SSR1: variants seen among roughly 807,000 people sequenced by gnomAD.
SSR1 encodes signal sequence receptor subunit 1, also known as translocon-associated protein subunit alpha.
In SSR1, 13 loss-of-function variants were observed where a neutral mutation model predicts 36.1. The observed-to-expected ratio is 0.36, with a 90% CI of 0.23 to 0.57. SSR1 has a LOEUF of 0.57. Among genes scored for constraint, SSR1 ranks in the 20% least tolerant of loss-of-function variants. SSR1 has a pLI of 0.81. For synonymous variants in SSR1, 113 were observed against 118.9 expected, an observed-to-expected ratio of 0.95 and a Z score of 0.32; for missense variants, 291 against 338.5, an observed-to-expected ratio of 0.86 and a Z score of 1.10.
chr6:7,309,867 GAATAC>G, intron 2 of SSR1, 45 bp downstream of exon 2: 1 of 1,369,754 alleles, frequency 7.3e-7, no homozygotes, highest in Non-Finnish European at 1.0e-6. Flanking sequence ...GAGAACAGAT[GAATAC>G]AATTACATAC....
intron 2 of SSR1, among the ~76,000 whole-genome samples, chr6:7,305,523 C>G (rs1030327218): frequency 6.6e-6 from 1 of 152,188 alleles, no homozygotes; most frequent in Non-Finnish European, 1.5e-5. Flanking sequence ...TAAGTAGGTG[C>G]AGCAAATGTG....
rs1757774310 is a variant in SSR1 at position 7,295,468 on chromosome 6, C to G, written c.717G>C (p.Gln239His). 6.2e-7 allele frequency: 1 copy of G among 1,606,628 alleles called. No individual in the cohort carries two copies. Among genetic ancestry groups the G allele is most frequent in the South Asian group, 1.1e-5 (1 of 89,732 alleles). Residue 239 changes from glutamine to histidine, a missense_variant, in exon 7 of 8, where the codon CAG becomes CAC. Physicochemically the swap from Gln to His is conservative, Grantham distance 24 (BLOSUM62 0). Transcript: ENST00000244763. ...LESRKRKRPI[Q>H]KVEMGTSSQN... Reference sequence around the variant, plus strand: ...GACTTGATGTACCCATTTCTACTTTCTGTATGGGTCTCTTACGCTAAAAGA... The same window carrying G: ...GACTTGATGTACCCATTTCTACTTTGTGTATGGGTCTCTTACGCTAAAAGA...
intron 1 of SSR1, among the ~76,000 whole-genome samples, chr6:7,310,354 G>A (rs951250906): frequency 6.6e-6 from 1 of 151,708 alleles, no homozygotes; most frequent in Non-Finnish European, 1.5e-5. Context: ...CAGCTTCCTG[G>A]GTAGCTAGGA....
chr6:7,303,318 C>A (rs1192822247), intron 3 of SSR1, among the ~76,000 whole-genome samples: 1 of 152,010 alleles, frequency 6.6e-6, no homozygotes, highest in Non-Finnish European at 1.5e-5. Context: ...CAGAGCCAGA[C>A]CCTGTCTCAA....
rs1039818969 is a variant in SSR1, at chr6:7,285,762, AC to A, written c.*4101del. On this transcript the variant is annotated 3_prime_UTR_variant, in exon 8 of 8. Coordinates refer to ENST00000244763, the MANE Select transcript of SSR1 (RefSeq NM_003144.5). The surrounding 1 kb of genome is among the most constrained non-coding windows in gnomAD (Gnocchi z 4.1). ...AGTTCTAGTACTATCTGGTTCTGTAACCCAAGAGCAGATACTTCACTCTTAC... is the reference window on the plus strand; with the variant it reads ...AGTTCTAGTACTATCTGGTTCTGTAACCAAGAGCAGATACTTCACTCTTAC... 3.3e-5 allele frequency: 5 copies of A among 152,200 alleles called. No homozygotes were observed. Among genetic ancestry groups the A allele is most frequent in the African/African-American group, 1.2e-4 (5 of 41,448 alleles). 9.4% of individuals were successfully genotyped at this position (152,200 alleles called of 1,614,324 possible).
rs1219442390 is a variant in SSR1 at position 7,287,039 on chromosome 6, G to C, written c.*2825C>G. The C allele has an allele frequency of 6.6e-6, 1 of 151,736 alleles. No individual in the cohort carries two copies. Among genetic ancestry groups the C allele is most frequent in the Non-Finnish European group, 1.5e-5 (1 of 67,968 alleles). The allele number at this position is 151,736 out of a possible 1,614,324, so 9.4% of individuals were successfully genotyped here. ...GTCTAGTCTTGGCAAGAGATGGTAT[G>C]TGTCACTGAGTTTTAAAAAATTATT... On this transcript the variant is annotated 3_prime_UTR_variant, in exon 8 of 8. Coordinates refer to ENST00000244763, the MANE Select transcript of SSR1 (RefSeq NM_003144.5).
chr6:7,293,624 G>A (rs1045874591), intron 7 of SSR1, among the ~76,000 whole-genome samples: 1 of 152,082 alleles, frequency 6.6e-6, no homozygotes, highest in African/African-American at 2.4e-5. Context: ...ATGTTGCCAA[G>A]GCTAGTCTCA....
chr6:7,289,678 G>T lies in SSR1; in HGVS notation c.*186C>A. 3.4e-6 allele frequency: 2 copies of T among 595,162 alleles called. No individual in the cohort carries two copies. Among genetic ancestry groups the T allele is most frequent in the Non-Finnish European group, 2.8e-6 (1 of 351,680 alleles). 36.9% of individuals were successfully genotyped at this position (595,162 alleles called of 1,614,324 possible). A position where few individuals can be genotyped will look rare whatever the true frequency, so the allele number is the denominator to read the frequency against. ...AATGGTTTAAAAAAAAACCAAATTT[G>T]TTACTTTAGAAAAATGAATGCAGTG... On this transcript the variant is annotated 3_prime_UTR_variant, in exon 8 of 8. Coordinates refer to ENST00000244763, the MANE Select transcript of SSR1 (RefSeq NM_003144.5).
rs918326806 is a variant in SSR1 at position 7,283,717 on chromosome 6, T to C, written c.*6147A>G. 1.3e-5 allele frequency: 2 copies of C among 152,266 alleles called. No individual in the cohort carries two copies. Among genetic ancestry groups the C allele is most frequent in the African/African-American group, 4.8e-5 (2 of 41,470 alleles). 9.4% of individuals were successfully genotyped at this position (152,266 alleles called of 1,614,324 possible). On this transcript the variant is annotated 3_prime_UTR_variant, in exon 8 of 8. Coordinates refer to ENST00000244763, the MANE Select transcript of SSR1 (RefSeq NM_003144.5). ...AATGAAGCTTGACTCTGGACTGTGATAGCAGAAACAAATACAGGCAGTGCC... is the reference window on the plus strand; with the variant it reads ...AATGAAGCTTGACTCTGGACTGTGACAGCAGAAACAAATACAGGCAGTGCC...
intron 2 of SSR1, among the ~76,000 whole-genome samples, chr6:7,306,898 C>T (rs1333598790): frequency 1.5e-5 from 2 of 130,170 alleles, no homozygotes; most frequent in Non-Finnish European, 3.1e-5. Context: ...GCCTGGGCGA[C>T]AGAGCGAGAC....
chr6:7,292,002 G>A (rs562026924), intron 7 of SSR1, among the ~76,000 whole-genome samples: 4 of 152,244 alleles, frequency 2.6e-5, no homozygotes, highest in South Asian at 4.1e-4. Context: ...CCAGGAGGTC[G>A]AGGATGCAGT....
At chr6:7,298,242 A>G (rs1240253859) in intron 5 of SSR1, among the ~76,000 whole-genome samples, 1 of 152,230 alleles carries the variant, frequency 6.6e-6, no homozygotes, top group Non-Finnish European at 1.5e-5. Context: ...TGCTCTATTC[A>G]AAAGCTTGGT....
At chr6:7,303,459 A>G (rs1322935528) in intron 3 of SSR1, 91 bp downstream of exon 3, 4 of 815,614 alleles carry the variant, frequency 4.9e-6, no homozygotes, top group Admixed American at 2.3e-5. Context: ...CAACAATATT[A>G]CTTTACAGAT....
rs1175339175 is a variant in SSR1, at chr6:7,309,950, TTCA to T, written c.156_158del (p.Asp52del). ...TGGGTTCATCTTCTTCTACCTCGGC[TTCA>T]TCATCTTCATCCTCAATTATGGAAT... On this transcript the variant is annotated inframe_deletion, in exon 2 of 8. Transcript: ENST00000244763. The T allele has an allele frequency of 1.9e-6, 3 of 1,613,906 alleles. No individual in the cohort carries two copies. The African/African-American group carries it at 4.0e-5, about 22-fold the overall frequency.
intron 3 of SSR1, among the ~76,000 whole-genome samples, chr6:7,303,138 T>TAAAAAAAAAAA (rs35763826): frequency 1.6e-4 from 7 of 42,916 alleles, no homozygotes; most frequent in African/African-American, 6.6e-4. Context: ...GACTACATCT[T>TAAAAAAAAAAA]AAAAAAAAAA....
At chr6:7,302,734 C>T (rs1397714875) in intron 3 of SSR1, among the ~76,000 whole-genome samples, 1 of 152,066 alleles carries the variant, frequency 6.6e-6, no homozygotes, top group Non-Finnish European at 1.5e-5. Flanking sequence ...TGCACTGCAG[C>T]CTGGCAACAG....
chr6:7,302,430 G>A (rs1184212989), intron 3 of SSR1, among the ~76,000 whole-genome samples: 1 of 152,144 alleles, frequency 6.6e-6, no homozygotes, highest in Non-Finnish European at 1.5e-5. Context: ...TGAGAATATA[G>A]CCCTCAATAA....
intron 2 of SSR1, among the ~76,000 whole-genome samples, chr6:7,307,639 T>C (rs1050384545): frequency 7.9e-5 from 12 of 152,200 alleles, no homozygotes; most frequent in African/African-American, 2.9e-4. Context: ...ACTTCTGGGC[T>C]CAAGTGATCC....
rs55729286 is a variant in SSR1, at chr6:7,297,216, C to CAAAA, written c.699+703_699+706dup. ...CCTGGATGAAAGAGCCAGACTGTCT[C>CAAAA]AAAAAAAAAAAAAAAAAAAAGAATA... is the stretch of plus-strand genomic sequence containing the variant. On this transcript the variant is annotated intron_variant, in intron 6 of 7. Coordinates refer to ENST00000244763, the MANE Select transcript of SSR1 (RefSeq NM_003144.5). The CAAAA allele has an allele frequency of 1.0e-2, 726 of 72,808 alleles. 17 individuals are homozygous for CAAAA. The highest frequency in any genetic ancestry group is 0.018 in the African/African-American group (317 of 17,434). 4.5% of individuals were successfully genotyped at this position (72,808 alleles called of 1,614,324 possible).
Sources: gnomAD v4.1 joint callset for allele counts (sites outside exome capture counted in the v4.1 genomes callset) on GRCh38, gnomAD v4.1.1 for gene constraint, Gnocchi (gnomAD v3.1) non-coding constraint, MANE v1.5 for transcripts, NCBI Gene and HGNC (gene_info 2026-07-23, HGNC 2026-07-21) for gene names.